The following IRAG1 variants were observed in gnomAD, a reference collection of about 807,000 sequenced individuals.
IRAG1 encodes the protein inositol 1,4,5-triphosphate receptor associated 1.
A neutral mutation model predicts 106.2 loss-of-function variants in IRAG1; 62 were observed. The ratio of observed to expected loss-of-function variants is 0.58; its 90% CI spans 0.48 to 0.72. The LOEUF is 0.72. Ranked by LOEUF, IRAG1 falls within the 30% of genes least tolerant of loss-of-function variation. The pLI is 0.00. For synonymous variants in IRAG1, 462 were observed against 443.9 expected, an observed-to-expected ratio of 1.04 and a Z score of -0.51; for missense variants, 1,064 against 1,140.7, an observed-to-expected ratio of 0.93 and a Z score of 0.97.
chr11:10,606,908 TC>T, intron 11 of IRAG1, 136 bp from the exon 12 acceptor site: 1 of 694,954 alleles, frequency 1.4e-6, no homozygotes, highest in Non-Finnish European at 2.3e-6. Context: ...AGATGCAATG[TC>T]CCCTTGCCTG....
intron 1 of IRAG1, among the ~76,000 whole-genome samples, chr11:10,656,458 TA>T (rs1368807044): frequency 6.6e-6 from 1 of 152,216 alleles, no homozygotes; most frequent in African/African-American, 2.4e-5. Context: ...TCTGCTGGGA[TA>T]ACTATCCAGT....
intron 10 of IRAG1, among the ~76,000 whole-genome samples, chr11:10,616,524 CAAAA>C: frequency 6.9e-6 from 1 of 144,496 alleles, no homozygotes; most frequent in South Asian, 2.2e-4. Context: ...AAAGCAAAAA[CAAAA>C]AACAAAAAAC....
intron 2 of IRAG1, among the ~76,000 whole-genome samples, chr11:10,635,781 T>C (rs1335762725): frequency 6.6e-6 from 1 of 152,210 alleles, no homozygotes; most frequent in East Asian, 1.9e-4. Context: ...GCTGGAGAAG[T>C]CTCTGGGTGA....
intron 1 of IRAG1, among the ~76,000 whole-genome samples, chr11:10,667,978 T>C (rs1434313504): frequency 6.6e-6 from 1 of 152,192 alleles, no homozygotes; most frequent in African/African-American, 2.4e-5. Flanking sequence ...CAAACCTCTC[T>C]GTTTTTTCTC....
chr11:10,645,870 GAATTAAATGAGAT>G (rs1316437415), intron 2 of IRAG1, among the ~76,000 whole-genome samples: 7 of 152,140 alleles, frequency 4.6e-5, no homozygotes, highest in Non-Finnish European at 1.0e-4. Context: ...AGTATTGCGA[GAATTAAATGAGAT>G]AATGTAACAT....
Position 10,576,010 on chromosome 11 carries a change from C to G in IRAG1, c.*322G>C. 3.0e-6 allele frequency: 1 copy of G among 331,842 alleles called. No homozygotes were observed. The highest frequency in any genetic ancestry group is 4.2e-5 in the South Asian group (1 of 23,984). 20.6% of individuals were successfully genotyped at this position (331,842 alleles called of 1,614,324 possible). Reference sequence around the variant, plus strand: ...TCCCCCGTGCCCCGCTCCTTACCCCCAACCACCAGTGAAGGTGTTTTAGTT... The same window carrying G: ...TCCCCCGTGCCCCGCTCCTTACCCCGAACCACCAGTGAAGGTGTTTTAGTT... On this transcript the variant is annotated 3_prime_UTR_variant, in exon 21 of 21. Coordinates refer to ENST00000423302, the MANE Select transcript of IRAG1 (RefSeq NM_130385.4).
intron 14 of IRAG1, among the ~76,000 whole-genome samples, chr11:10,602,912 G>A (rs1039963951): frequency 4.6e-5 from 7 of 152,178 alleles, no homozygotes; most frequent in East Asian, 1.9e-4. Context: ...AAACTTGTGC[G>A]TCCACAGAAA....
intron 10 of IRAG1, among the ~76,000 whole-genome samples, chr11:10,614,837 C>G (rs527894772): frequency 6.6e-6 from 1 of 152,316 alleles, no homozygotes; most frequent in South Asian, 2.1e-4. Context: ...CCTAAAAACC[C>G]TAGAAGAAAA....
At chr11:10,620,791 T>C (rs1478683898) in intron 10 of IRAG1, among the ~76,000 whole-genome samples, 2 of 152,214 alleles carry the variant, frequency 1.3e-5, no homozygotes, top group Non-Finnish European at 2.9e-5. Context: ...ACCTTGTGAT[T>C]CTCAAGTCTG....
Position 10,581,861 on chromosome 11 carries a change from A to G in IRAG1, c.2360+6T>C, listed in dbSNP as rs1851428626. ...GTGCCCTTGGGGTGGCTGAGGTCTGACTCACCCCTTGCTGTAGGCTTCTTC... is the reference window on the plus strand; with the variant it reads ...GTGCCCTTGGGGTGGCTGAGGTCTGGCTCACCCCTTGCTGTAGGCTTCTTC... On this transcript the variant is annotated splice_donor_region_variant and intron_variant, in intron 19 of 20. Coordinates refer to ENST00000423302, the MANE Select transcript of IRAG1 (RefSeq NM_130385.4). 2 of 1,613,050 alleles carry G rather than the reference A, an allele frequency of 1.2e-6. No individual in the cohort carries two copies. The highest frequency in any genetic ancestry group is 1.7e-6 in the Non-Finnish European group (2 of 1,179,446).
intron 10 of IRAG1, among the ~76,000 whole-genome samples, chr11:10,618,693 T>A (rs1392148886): frequency 6.6e-6 from 1 of 152,288 alleles, no homozygotes. Context: ...GAACATTCCA[T>A]GCAGAAGACA....
intron 2 of IRAG1, among the ~76,000 whole-genome samples, chr11:10,651,805 T>A (rs747832009): frequency 1.3e-5 from 2 of 152,156 alleles, no homozygotes; most frequent in African/African-American, 4.8e-5. Context: ...GCCTAGATGG[T>A]TGGTTCTATA....
At chr11:10,683,359 G>T (rs1262320797) in intron 1 of IRAG1, among the ~76,000 whole-genome samples, 2 of 139,866 alleles carry the variant, frequency 1.4e-5, no homozygotes, top group South Asian at 4.4e-4. Flanking sequence ...AAAGGTTTGT[G>T]CCAAAAAAAA....
At chr11:10,652,882 C>T (rs1858634190) in intron 1 of IRAG1, among the ~76,000 whole-genome samples, 1 of 152,156 alleles carries the variant, frequency 6.6e-6, no homozygotes, top group Non-Finnish European at 1.5e-5. Flanking sequence ...ACCAGCCCTA[C>T]TAAAACCTGG....
intron 1 of IRAG1, among the ~76,000 whole-genome samples, chr11:10,674,254 T>C (rs1390575): frequency 0.62 from 93,969 of 152,018 alleles, 29,595 homozygotes; most frequent in East Asian, 0.97. Flanking sequence ...AGATGCAACA[T>C]ACACCCCACA....
chr11:10,680,404 G>GAAGGAAA (rs1554935662), intron 1 of IRAG1, among the ~76,000 whole-genome samples: 2 of 82,090 alleles, frequency 2.4e-5, no homozygotes, highest in Non-Finnish European at 4.3e-5. Context: ...AAGGAAGGAA[G>GAAGGAAA]GAAAGAAAGG....
intron 12 of IRAG1, among the ~76,000 whole-genome samples, chr11:10,605,047 T>C (rs1564903508): frequency 6.6e-6 from 1 of 152,244 alleles, no homozygotes; most frequent in Non-Finnish European, 1.5e-5. Flanking sequence ...CCTGTATTGA[T>C]AGAAGCTTTA....
At chr11:10,629,861 G>T in intron 4 of IRAG1, 150 bp from the exon 5 acceptor site, 1 of 748,426 alleles carries the variant, frequency 1.3e-6, no homozygotes, top group Non-Finnish European at 2.1e-6. Flanking sequence ...GGGTTGCATG[G>T]GGACAGACAG....
chr11:10,584,733 C>T (rs1325838327), intron 18 of IRAG1, among the ~76,000 whole-genome samples: 2 of 151,746 alleles, frequency 1.3e-5, no homozygotes, highest in Non-Finnish European at 2.9e-5. Context: ...ATACCAGCTC[C>T]AAAACATGCA....
Sources: allele counts gnomAD v4.1 joint callset (sites outside exome capture counted in the v4.1 genomes callset), GRCh38; gene constraint gnomAD v4.1.1; transcripts MANE v1.5; gene names NCBI Gene and HGNC (gene_info 2026-07-23, HGNC 2026-07-21).